SLC14A2: variants seen among roughly 807,000 people sequenced by gnomAD.
SLC14A2 encodes solute carrier family 14 member 2.
In SLC14A2, 91 loss-of-function variants were observed where a neutral mutation model predicts 104.6. The observed-to-expected ratio is 0.87, with a 90% confidence interval of 0.73 to 1.04. The LOEUF is 1.04. SLC14A2 is among the 50% of genes least tolerant of loss of function. SLC14A2 has a pLI of 0.00. For missense variants in SLC14A2, 1,189 were observed against 1,156.0 expected (o/e 1.03, Z -0.41); for synonymous variants, 476 against 466.4 (o/e 1.02, Z -0.27).
intron 10 of SLC14A2, among the ~76,000 whole-genome samples, chr18:45,653,345 A>G (rs1452577459): frequency 6.6e-6 from 1 of 152,084 alleles, no homozygotes; most frequent in African/African-American, 2.4e-5. Context: ...AACACCTGGC[A>G]CAGTGGGAAG....
chr18:45,450,350 G>C (rs2086838152), intron 1 of SLC14A2, among the ~76,000 whole-genome samples: 1 of 152,186 alleles, frequency 6.6e-6, no homozygotes, highest in East Asian at 1.9e-4. Context: ...AGGGGCCTTT[G>C]GTTTAGTCTT....
In SLC14A2 at chr18:45,683,397, GACA is replaced by G. The variant is rs1281494781; in HGVS notation, c.*883_*885del. ...TCCTATAATCTGATGAAATCAGCAT[GACA>G]ACAAGTAATTTAAGTAAAGGACAGA... is the stretch of plus-strand genomic sequence containing the variant. On this transcript the variant is annotated 3_prime_UTR_variant, in exon 20 of 20. Transcript: ENST00000255226. 6.6e-6 allele frequency: 1 copy of G among 152,150 alleles called. No individual in the cohort carries two copies. The highest frequency in any genetic ancestry group is 1.5e-5 in the Non-Finnish European group (1 of 68,042). The allele number at this position is 152,150 out of a possible 1,614,324, so 9.4% of individuals were successfully genotyped here. A position where few individuals can be genotyped will look rare whatever the true frequency, so the allele number is the denominator to read the frequency against.
chr18:45,201,935 T>A, the SLC14A2 span, among the ~76,000 whole-genome samples: 1 of 152,144 alleles, frequency 6.6e-6, no homozygotes, highest in Non-Finnish European at 1.5e-5. Flanking sequence ...TCACCCTTAA[T>A]TGGCAATTCA....
the SLC14A2 span, among the ~76,000 whole-genome samples, chr18:45,202,911 TAAAGAAAAAAAAGGAGG>T: frequency 6.6e-6 from 1 of 151,562 alleles, no homozygotes; most frequent in Non-Finnish European, 1.5e-5. Context: ...CAGTAATGTG[TAAAGAAAAAAAAGGAGG>T]AAACCATATG....
intron 2 of SLC14A2, 96 bp from the exon 3 acceptor site, chr18:45,625,587 A>G (rs1274196011): frequency 8.0e-6 from 8 of 996,504 alleles, no homozygotes; most frequent in African/African-American, 5.1e-5. Flanking sequence ...ATGATCCTTT[A>G]TTTTTATCAA....
intron 1 of SLC14A2, among the ~76,000 whole-genome samples, chr18:45,616,518 CACG>C (rs1476295767): frequency 6.6e-6 from 1 of 152,102 alleles, no homozygotes; most frequent in Non-Finnish European, 1.5e-5. Context: ...TGAGCAGTGG[CACG>C]ACCAAGTCAT....
At chr18:45,290,757 A>T (rs1333434586) in intron 1 of SLC14A2, among the ~76,000 whole-genome samples, 1 of 151,786 alleles carries the variant, frequency 6.6e-6, no homozygotes, top group East Asian at 1.9e-4. Flanking sequence ...TAAACAAAAT[A>T]TTAATTTCAT....
At chr18:45,324,066 G>A (rs1321369720) in intron 1 of SLC14A2, among the ~76,000 whole-genome samples, 1 of 152,146 alleles carries the variant, frequency 6.6e-6, no homozygotes, top group Non-Finnish European at 1.5e-5. Context: ...GTGGCTTGTG[G>A]GGTATATGCC....
intron 1 of SLC14A2, among the ~76,000 whole-genome samples, chr18:45,454,420 T>C (rs553862773): frequency 1.8e-4 from 28 of 152,304 alleles, no homozygotes; most frequent in African/African-American, 6.5e-4. Flanking sequence ...GTCAGATGGA[T>C]AGATTGCAAA....
chr18:45,644,228 C>A (rs770623591), intron 10 of SLC14A2, 68 bp downstream of exon 10: 39 of 1,519,440 alleles, frequency 2.6e-5, no homozygotes, highest in Non-Finnish European at 3.4e-5. Flanking sequence ...GTGTTCTCTG[C>A]TCTGGTTCAA....
rs73429944 is a variant in SLC14A2, at chr18:45,324,448, G to T, written c.-125+111257G>T. 1.7e-3 allele frequency among the ~76,000 whole-genome samples: 256 copies of T among 152,204 alleles called. 1 individual carries two copies. Among genetic ancestry groups the T allele is most frequent in the African/African-American group, 5.8e-3 (241 of 41,534 alleles). On this transcript the variant is annotated intron_variant, in intron 1 of 20. Transcript: ENST00000586448. ...AGGACTCTAAAAGCAAAGAAAACAA[G>T]AAGTCAGGAAAGTTGAAGCCTCTGA...
intron 1 of SLC14A2, among the ~76,000 whole-genome samples, chr18:45,338,684 A>C (rs11659966): frequency 3.7e-4 from 35 of 94,298 alleles, no homozygotes; most frequent in South Asian, 1.1e-3. Flanking sequence ...CTGGCTCACA[A>C]AAAAAAAAAA....
At chr18:45,217,317 T>A (rs2084019373) in intron 1 of SLC14A2, among the ~76,000 whole-genome samples, 1 of 146,020 alleles carries the variant, frequency 6.8e-6, no homozygotes, top group Admixed American at 6.9e-5. Context: ...CATATATACA[T>A]ATGTATATAT....
At chr18:45,264,473 G>C (rs901462941) in intron 1 of SLC14A2, among the ~76,000 whole-genome samples, 6 of 152,034 alleles carry the variant, frequency 3.9e-5, no homozygotes, top group African/African-American at 1.5e-4. Flanking sequence ...GAGCCTTAGT[G>C]TATTAGTCCG....
At chr18:45,475,405 C>T (rs201910491) in intron 1 of SLC14A2, among the ~76,000 whole-genome samples, 1,935 of 151,500 alleles carry the variant, frequency 0.013, 30 homozygotes, top group South Asian at 0.066. Context: ...GAGTTCAAGT[C>T]CTGAATATCC....
intron 2 of SLC14A2, among the ~76,000 whole-genome samples, chr18:45,527,062 CAG>C (rs532364863): frequency 5.3e-5 from 8 of 152,086 alleles, no homozygotes; most frequent in Non-Finnish European, 1.0e-4. Context: ...AAGTAAGGCC[CAG>C]AGAGGGGCAT....
At chr18:45,268,964 TTG>T (rs3050837) in intron 1 of SLC14A2, among the ~76,000 whole-genome samples, 90 of 142,938 alleles carry the variant, frequency 6.3e-4, no homozygotes, top group Non-Finnish European at 7.7e-4. Flanking sequence ...GTTGGTGTGT[TTG>T]TGTGTGTGTG....
At chr18:45,363,976 T>C (rs2085641472) in intron 1 of SLC14A2, among the ~76,000 whole-genome samples, 1 of 152,132 alleles carries the variant, frequency 6.6e-6, no homozygotes, top group Admixed American at 6.5e-5. Flanking sequence ...TACAATGCAG[T>C]CTCCTCAATT....
chr18:45,340,463 C>T (rs1469154228), intron 1 of SLC14A2, among the ~76,000 whole-genome samples: 1 of 152,114 alleles, frequency 6.6e-6, no homozygotes, highest in African/African-American at 2.4e-5. Context: ...GTGAGAAATT[C>T]CCAGAAAAGT....
Sources: allele counts gnomAD v4.1 joint callset (sites outside exome capture counted in the v4.1 genomes callset), GRCh38; gene constraint gnomAD v4.1.1; transcripts MANE v1.5; gene names NCBI Gene and HGNC (gene_info 2026-07-23, HGNC 2026-07-21).